Variants in KMT2C observed in about 807,000 individuals in gnomAD.
KMT2C encodes lysine methyltransferase 2C, also known as histone-lysine N-methyltransferase 2C.
In KMT2C, 88 loss-of-function variants were observed where a neutral mutation model predicts 507.9. That is an observed-to-expected ratio of 0.17 (90% CI 0.15 to 0.21). KMT2C has a LOEUF of 0.21. KMT2C is among the 10% of genes least tolerant of loss of function. The probability of loss-of-function intolerance (pLI) is 1.00; values close to 1 mark genes in which losing one functional copy is unlikely to be tolerated. For synonymous variants in KMT2C, 2,049 were observed against 2,080.8 expected (o/e 0.98, Z 0.42); for missense variants, 4,954 against 5,957.8 (o/e 0.83, Z 5.55).
chr7:152,312,051 G>A (rs2096676996), intron 4 of KMT2C, 105 bp from the exon 5 acceptor site: 2 of 814,448 alleles, frequency 2.5e-6, no homozygotes, highest in African/African-American at 1.7e-5. Context: ...TAATTTATCA[G>A]CCATTAACTG....
Position 152,136,848 on chromosome 7 carries a change from C to G in KMT2C, c.14720G>C (p.Arg4907Pro). The G allele has an allele frequency of 4.3e-6, 7 of 1,613,352 alleles. No individual in the cohort carries two copies. The highest frequency in any genetic ancestry group is 5.9e-6 in the Non-Finnish European group (7 of 1,179,658). ...GAATGCATTTCAGTTCATCCACTTC[C>G]GGCAGTTCACAGCTCCACAGTGACA... is the stretch of plus-strand genomic sequence containing the variant. ...IPCHCGAVNC[R>P]KWMN is the part of the protein sequence containing the mutation. Residue 4907 changes from arginine (R) to proline (P), a missense_variant, in exon 59 of 59, where the codon CGG becomes CCG. Transcript: ENST00000262189.
intron 6 of KMT2C, among the ~76,000 whole-genome samples, chr7:152,274,588 T>C (rs2096046372): frequency 6.6e-6 from 1 of 152,236 alleles, no homozygotes; most frequent in African/African-American, 2.4e-5. Context: ...TGTAAAATGT[T>C]GCATTTACTT....
chr7:152,201,722 G>A (rs1407542585), intron 26 of KMT2C, among the ~76,000 whole-genome samples: 4 of 148,608 alleles, frequency 2.7e-5, no homozygotes, highest in African/African-American at 9.9e-5. Flanking sequence ...TGCAAACCTA[G>A]GATATAAGAG....
intron 2 of KMT2C, among the ~76,000 whole-genome samples, chr7:152,348,431 T>A (rs2097080227): frequency 6.7e-6 from 1 of 150,320 alleles, no homozygotes; most frequent in Non-Finnish European, 1.5e-5. Context: ...ACCCCGTATC[T>A]TCTAAAAATA....
intron 38 of KMT2C, among the ~76,000 whole-genome samples, 192 bp downstream of exon 38, chr7:152,175,999 C>T (rs1587938452): frequency 2.0e-5 from 3 of 152,248 alleles, no homozygotes; most frequent in African/African-American, 4.8e-5. Context: ...GCCGAGATCG[C>T]GCCACTGCAC....
chr7:152,409,181 A>AT (rs1422130250), intron 1 of KMT2C, among the ~76,000 whole-genome samples: 1 of 151,250 alleles, frequency 6.6e-6, no homozygotes, highest in African/African-American at 2.4e-5. Flanking sequence ...TAATTTTTGT[A>AT]TTTTTTTTAG....
At chr7:152,396,439 T>C in intron 1 of KMT2C, among the ~76,000 whole-genome samples, 1 of 152,228 alleles carries the variant, frequency 6.6e-6, no homozygotes, top group East Asian at 1.9e-4. Context: ...GCACTTAGGA[T>C]AGTGCTTGGC....
At chr7:152,351,588 T>C (rs1308925690) in intron 2 of KMT2C, among the ~76,000 whole-genome samples, 1 of 152,222 alleles carries the variant, frequency 6.6e-6, no homozygotes, top group Non-Finnish European at 1.5e-5. Flanking sequence ...ATCCCTTTGT[T>C]GTGGGAAGTC....
intron 55 of KMT2C, among the ~76,000 whole-genome samples, chr7:152,143,299 G>A (rs142906212): frequency 2.6e-5 from 4 of 152,292 alleles, no homozygotes; most frequent in African/African-American, 7.2e-5. Flanking sequence ...GAAAGGGCTC[G>A]TAGCTAATCT....
rs148753528 is a variant in KMT2C at position 152,152,343 on chromosome 7, C to A, written c.12526+362G>T. 1.2e-4 allele frequency among the ~76,000 whole-genome samples: 18 copies of A among 152,292 alleles called. No individual in the cohort carries two copies. The South Asian group carries it at 1.9e-3, about 16-fold the overall frequency. The stretch of plus-strand genomic sequence containing the variant: ...GCAGAGGAGAACAGGAAACAGAACC[C>A]ACGTCAGGTCACCAGCCCCATCTGT... On this transcript the variant is annotated intron_variant, in intron 49 of 58. Transcript: ENST00000262189.
At chr7:152,222,504 G>C in intron 21 of KMT2C, 69 bp downstream of exon 21, 2 of 715,310 alleles carry the variant, frequency 2.8e-6, no homozygotes, top group Non-Finnish European at 4.8e-6. Flanking sequence ...CTAATTCATT[G>C]GTTATGGACA....
At position 152,167,206 on chromosome 7, in the gene KMT2C, A is replaced by G. The variant is rs1277859708; in HGVS notation, c.9690T>C (p.Asp3230=). Residue 3230 remains aspartate (D), a synonymous_variant, in exon 42 of 59, where the codon GAT becomes GAC. Transcript: ENST00000262189. ...KKAGREFPEE[D]AEQLKHVTEQ... ...CAGTAACATGCTTGAGTTGTTCTGC[A>G]TCTTCCTCTGGAAATTCACGCCCAG... The G allele has an allele frequency of 1.2e-6, 2 of 1,614,182 alleles. No homozygotes were observed. The highest frequency in any genetic ancestry group is 1.1e-5 in the South Asian group (1 of 91,078).
In KMT2C at chr7:152,388,984, GT is replaced by G. The variant is rs544549411; in HGVS notation, c.162-30310del. Reference sequence around the variant, plus strand: ...ACTGGTCTCAAACTCCCAACCTCAGGTTATCCGCCTACCTCGGACTCCCAAA... The same window carrying G: ...ACTGGTCTCAAACTCCCAACCTCAGGTATCCGCCTACCTCGGACTCCCAAA... On this transcript the variant is annotated intron_variant, in intron 1 of 58. Transcript: ENST00000262189. Among the ~76,000 whole-genome samples, 16 of 152,226 alleles carry G rather than the reference GT, an allele frequency of 1.1e-4. No individual in the cohort carries two copies. The South Asian group carries it at 3.1e-3, about 30-fold the overall frequency.
chr7:152,281,805 A>C (rs1456017933), intron 6 of KMT2C, among the ~76,000 whole-genome samples: 1 of 152,018 alleles, frequency 6.6e-6, no homozygotes, highest in Non-Finnish European at 1.5e-5. Flanking sequence ...AGATATTACT[A>C]TTTTTCATTT....
chr7:152,318,826 G>A (rs1316668804), intron 3 of KMT2C, among the ~76,000 whole-genome samples: 1 of 151,952 alleles, frequency 6.6e-6, no homozygotes, highest in African/African-American at 2.4e-5. Context: ...TGACATTAGA[G>A]ATGAAAAAGA....
chr7:152,301,351 T>C lies in KMT2C; in HGVS notation c.849+8615A>G, dbSNP rs1363151123. Among the ~76,000 whole-genome samples the C allele has an allele frequency of 3.4e-5, 5 of 148,968 alleles. No individual in the cohort carries two copies. In the East Asian group the frequency reaches 8.1e-4, roughly 24 times the overall value. ...AACTCCATCTCTACTAAAAAAAAAA[T>C]ACAAAATATTCGCTGGGCATGGTGG... On this transcript the variant is annotated intron_variant, in intron 6 of 58. Coordinates refer to ENST00000262189, the MANE Select transcript of KMT2C (RefSeq NM_170606.3).
intron 6 of KMT2C, among the ~76,000 whole-genome samples, chr7:152,297,059 G>GACAGAAAGAAAGAAAGAAAGAA (rs1563767704): frequency 3.4e-4 from 22 of 64,392 alleles, no homozygotes; most frequent in African/African-American, 1.2e-3. Flanking sequence ...GAAAGACAGA[G>GACAGAAAGAAAGAAAGAAAGAA]AGAGAGAGAG....
At position 152,207,264 on chromosome 7, in the gene KMT2C, T is replaced by C. The variant is rs769881190; in HGVS notation, c.3841+36A>G. ...GTATTTTTCTTTAATTAACCAAGTG[T>C]TGATGATATTGAAATGTCTACCTCA... On this transcript the variant is annotated intron_variant, in intron 24 of 58. Transcript: ENST00000262189. 8 of 1,377,854 alleles carry C rather than the reference T, an allele frequency of 5.8e-6. No homozygotes were observed. In the East Asian group the frequency reaches 9.3e-5, roughly 16 times the overall value. The allele number at this position is 1,377,854 out of a possible 1,614,324, so 85.4% of individuals were successfully genotyped here. A position where few individuals can be genotyped will look rare whatever the true frequency, so the allele number is the denominator to read the frequency against.
At chr7:152,221,084 T>C (rs1329569721) in intron 22 of KMT2C, among the ~76,000 whole-genome samples, 1 of 152,142 alleles carries the variant, frequency 6.6e-6, no homozygotes, top group Non-Finnish European at 1.5e-5. Flanking sequence ...AGTGAAACCC[T>C]GTCTCTTCTA....
Sources: allele counts gnomAD v4.1 joint callset (sites outside exome capture counted in the v4.1 genomes callset), GRCh38; gene constraint gnomAD v4.1.1; transcripts MANE v1.5; gene names NCBI Gene and HGNC (gene_info 2026-07-23, HGNC 2026-07-21).